HERC5: variants seen among roughly 807,000 people sequenced by gnomAD.
HERC5 encodes E3 ISG15--protein ligase HERC5.
Under a neutral mutation model 119.6 loss-of-function variants are expected in HERC5, and 99 were observed. That is an observed-to-expected ratio of 0.83 (90% CI 0.70 to 0.98). The LOEUF (loss-of-function observed/expected upper bound fraction) is 0.98. Ranked by LOEUF, HERC5 falls within the 50% of genes least tolerant of loss-of-function variation. The probability of loss-of-function intolerance (pLI) is 0.00; values close to 1 mark genes in which losing one functional copy is unlikely to be tolerated. For missense variants in HERC5, 1,267 were observed against 1,241.3 expected (o/e 1.02, Z -0.31); for synonymous variants, 478 against 445.9 (o/e 1.07, Z -0.91).
intron 12 of HERC5, 144 bp downstream of exon 12, chr4:88,476,174 C>G: frequency 3.3e-6 from 2 of 607,070 alleles, no homozygotes; most frequent in Non-Finnish European, 5.6e-6. Context: ...GGTACTATAA[C>G]AATTACCATG....
chr4:88,466,005 G>T (rs1175277318), intron 6 of HERC5, among the ~76,000 whole-genome samples: 1 of 151,994 alleles, frequency 6.6e-6, no homozygotes, highest in Admixed American at 6.6e-5. Flanking sequence ...TTGGAGACAG[G>T]GTACAGGATG....
At chr4:88,474,083 C>T (rs1046883376) in intron 11 of HERC5, among the ~76,000 whole-genome samples, 3 of 152,084 alleles carry the variant, frequency 2.0e-5, no homozygotes, top group Admixed American at 6.6e-5. Context: ...AATGATGACT[C>T]GATGAAGAAT....
At chr4:88,472,268 T>C in intron 10 of HERC5, 141 bp from the exon 11 acceptor site, 1 of 613,822 alleles carries the variant, frequency 1.6e-6, no homozygotes, top group South Asian at 2.2e-5. Flanking sequence ...GTTTACTACA[T>C]TGCATTTGGA....
At position 88,464,561 on chromosome 4, in the gene HERC5, CTTGTTTGT is replaced by C. The variant is rs201816981; in HGVS notation, c.911+591_911+598del. On this transcript the variant is annotated intron_variant, in intron 6 of 22. Transcript: ENST00000264350. Reference sequence around the variant, plus strand: ...GTTTATTTAAAGGTTTTTTGGTTTTCTTGTTTGTTTGTTTGTTTGTTTTTTGGTTTTTG... The same window carrying C: ...GTTTATTTAAAGGTTTTTTGGTTTTCTTGTTTGTTTGTTTTTTGGTTTTTG... Among the ~76,000 whole-genome samples the C allele has an allele frequency of 4.3e-3, 651 of 150,568 alleles. 1 individual carries two copies. Among genetic ancestry groups the C allele is most frequent in the Middle Eastern group, 0.028 (8 of 288 alleles).
chr4:88,465,251 C>T (rs922968111), intron 6 of HERC5, among the ~76,000 whole-genome samples: 6 of 152,158 alleles, frequency 3.9e-5, no homozygotes, highest in African/African-American at 1.4e-4. Flanking sequence ...CAGTCCACGT[C>T]TTGCCAGAGG....
intron 3 of HERC5, among the ~76,000 whole-genome samples, chr4:88,460,511 C>G (rs1740390791): frequency 6.6e-6 from 1 of 152,222 alleles, no homozygotes; most frequent in African/African-American, 2.4e-5. Flanking sequence ...TTTCCTAACA[C>G]CTTTCCAACT....
intron 4 of HERC5, 83 bp downstream of exon 4, chr4:88,462,439 T>G: frequency 8.8e-7 from 1 of 1,139,358 alleles, no homozygotes; most frequent in East Asian, 2.5e-5. Context: ...CAAAAATGGT[T>G]CAAATCTTCA....
Position 88,470,684 on chromosome 4 carries a change from TA to T in HERC5, c.1298+13del. 8.5e-7 allele frequency: 1 copy of T among 1,173,062 alleles called. No individual in the cohort carries two copies. The highest frequency in any genetic ancestry group is 1.3e-6 in the Non-Finnish European group (1 of 791,346). 72.7% of individuals were successfully genotyped at this position (1,173,062 alleles called of 1,614,324 possible). ...TTTTTTAAGGAAAAGGTAATATATG[TA>T]ATAAATTAATTGTATTAAATTGTAT... is the stretch of plus-strand genomic sequence containing the variant. On this transcript the variant is annotated intron_variant, in intron 10 of 22. Coordinates refer to ENST00000264350, the MANE Select transcript of HERC5 (RefSeq NM_016323.4).
intron 7 of HERC5, chr4:88,468,015 A>G (rs1247383963): frequency 5.5e-6 from 2 of 366,626 alleles, no homozygotes; most frequent in Non-Finnish European, 7.6e-6. Flanking sequence ...CATTGCTTAA[A>G]TCTTGAAAAC....
chr4:88,493,280 A>G (rs1741702769), intron 17 of HERC5, 125 bp downstream of exon 17: 3 of 795,716 alleles, frequency 3.8e-6, no homozygotes, highest in Non-Finnish European at 5.7e-6. Context: ...TATGGAGATA[A>G]TGTATAATTC....
At chr4:88,497,255 T>C (rs1020898842) in intron 18 of HERC5, among the ~76,000 whole-genome samples, 1 of 152,188 alleles carries the variant, frequency 6.6e-6, no homozygotes, top group Admixed American at 6.5e-5. Flanking sequence ...AGAAAAATCA[T>C]GTATTGCCCT....
chr4:88,488,895 G>A (rs2149102611), intron 15 of HERC5, among the ~76,000 whole-genome samples: 1 of 152,294 alleles, frequency 6.6e-6, no homozygotes, highest in Non-Finnish European at 1.5e-5. Flanking sequence ...GTGTATAGGA[G>A]AAAGTGGTCC....
At chr4:88,458,686 T>C (rs550154574) in intron 1 of HERC5, among the ~76,000 whole-genome samples, 3 of 152,336 alleles carry the variant, frequency 2.0e-5, no homozygotes, top group African/African-American at 7.2e-5. Context: ...GCACTGAAGA[T>C]GAAACAAGGT....
At chr4:88,458,835 C>T (rs1284613168) in intron 1 of HERC5, among the ~76,000 whole-genome samples, 1 of 152,194 alleles carries the variant, frequency 6.6e-6, no homozygotes, top group Non-Finnish European at 1.5e-5. Context: ...ACAGCATCCT[C>T]TTTAAAGATA....
At chr4:88,499,430 G>A (rs1741887661) in intron 18 of HERC5, among the ~76,000 whole-genome samples, 2 of 152,162 alleles carry the variant, frequency 1.3e-5, no homozygotes, top group South Asian at 4.1e-4. Flanking sequence ...TCTCACAAAT[G>A]CCCTGAAATT....
Position 88,493,114 on chromosome 4 carries a change from A to G in HERC5, c.2236A>G (p.Met746Val), listed in dbSNP as rs754890021. Residue 746 changes from methionine to valine, a missense_variant, in exon 17 of 23, where the codon ATG becomes GTG. By Grantham distance (21) the Met-to-Val change is conservative. Around this residue, in one of 3 missense-constraint regions of HERC5, gnomAD observed 473 missense variants for 445.7 expected, o/e 1.06. Coordinates refer to ENST00000264350, the MANE Select transcript of HERC5 (RefSeq NM_016323.4). ...GATCCAGCCGGAATATGGGATGTTC[A>G]TGTATCCTGAAGGGGCTTCCTGCAT... ...EMIQPEYGMFMYPEGASCMWF... is the reference protein window; with the variant it reads ...EMIQPEYGMFVYPEGASCMWF... The G allele has an allele frequency of 6.2e-7, 1 of 1,614,078 alleles. No homozygotes were observed. Among genetic ancestry groups the G allele is most frequent in the Non-Finnish European group, 8.5e-7 (1 of 1,179,986 alleles).
chr4:88,503,496 T>C (rs1028403620), intron 20 of HERC5, among the ~76,000 whole-genome samples: 1 of 152,232 alleles, frequency 6.6e-6, no homozygotes, highest in Non-Finnish European at 1.5e-5. Context: ...TTAGCATCTA[T>C]ACTATACATG....
intron 16 of HERC5, among the ~76,000 whole-genome samples, chr4:88,492,231 T>C (rs1741663114): frequency 6.6e-6 from 1 of 151,662 alleles, no homozygotes. Flanking sequence ...CACGAACTCC[T>C]GACCTCACAT....
At chr4:88,485,588 C>T (rs993555298) in intron 13 of HERC5, among the ~76,000 whole-genome samples, 3 of 152,208 alleles carry the variant, frequency 2.0e-5, no homozygotes, top group African/African-American at 7.2e-5. Context: ...TACTAACAGT[C>T]ACTAATGTCT....
Sources: gnomAD v4.1 joint callset for allele counts (sites outside exome capture counted in the v4.1 genomes callset) on GRCh38, gnomAD v4.1.1 for gene constraint, gnomAD v4.1.1 regional missense constraint, MANE v1.5 for transcripts, NCBI Gene and HGNC (gene_info 2026-07-23, HGNC 2026-07-21) for gene names.